The following AQP8 variants were observed in gnomAD, a reference collection of about 807,000 sequenced individuals.
The protein encoded by AQP8 is aquaporin 8.
In AQP8, 14 loss-of-function variants were observed where a neutral mutation model predicts 26.1. The ratio of observed to expected loss-of-function variants is 0.54; its 90% CI spans 0.35 to 0.84. The LOEUF is 0.84. Among genes scored for constraint, AQP8 ranks in the 40% least tolerant of loss-of-function variants. The pLI, the probability that AQP8 is intolerant of heterozygous loss-of-function variation, is 0.01. For synonymous variants in AQP8, 131 were observed against 150.7 expected (o/e 0.87, Z 0.96); for missense variants, 301 against 340.5 (o/e 0.88, Z 0.91).
intron 4 of AQP8, among the ~76,000 whole-genome samples, chr16:25,225,153 T>C (rs1962614204): frequency 6.6e-6 from 1 of 152,214 alleles, no homozygotes; most frequent in African/African-American, 2.4e-5. Flanking sequence ...TGAACCCTTT[T>C]AATTTTTGTT....
intron 3 of AQP8, 94 bp downstream of exon 3, chr16:25,221,677 G>A (rs1431692723): frequency 6.9e-7 from 1 of 1,454,896 alleles, no homozygotes; most frequent in Non-Finnish European, 9.3e-7. Context: ...TGGGGAGTGG[G>A]GAAATGTCCA....
intron 3 of AQP8, among the ~76,000 whole-genome samples, chr16:25,222,682 G>T (rs1022763789): frequency 3.3e-5 from 5 of 151,932 alleles, no homozygotes; most frequent in Middle Eastern, 3.2e-3. Context: ...TGTGTGTGGG[G>T]GGTGGTGGAT....
chr16:25,220,772 C>A (rs1273092298), intron 2 of AQP8, among the ~76,000 whole-genome samples: 6 of 152,188 alleles, frequency 3.9e-5, no homozygotes, highest in Admixed American at 2.0e-4. Context: ...AGACCCGGGC[C>A]GGGCACGGTA....
At chr16:25,227,939 T>G (rs1458111179) in intron 5 of AQP8, among the ~76,000 whole-genome samples, 1 of 151,098 alleles carries the variant, frequency 6.6e-6, no homozygotes, top group Non-Finnish European at 1.5e-5. Flanking sequence ...GCTTTCAGAG[T>G]GGCAGCAATG....
intron 2 of AQP8, among the ~76,000 whole-genome samples, chr16:25,217,800 T>G (rs1284905237): frequency 1.3e-5 from 2 of 152,178 alleles, no homozygotes; most frequent in African/African-American, 2.4e-5. Flanking sequence ...AGTTTTGGGA[T>G]TACAGGCATG....
chr16:25,223,548 T>A (rs536045054), intron 3 of AQP8, among the ~76,000 whole-genome samples: 12 of 151,534 alleles, frequency 7.9e-5, no homozygotes, highest in Admixed American at 2.0e-4. Flanking sequence ...CAAAAAATTT[T>A]AAAAAAAACA....
rs138426074 is a variant in AQP8, at chr16:25,217,290, G to A, written c.105G>A (p.Val35=). 5.7e-4 allele frequency: 914 copies of A among 1,614,190 alleles called. 14 individuals are homozygous for A. In the South Asian group the frequency reaches 7.0e-3, roughly 12 times the overall value. Residue 35 remains valine (V), a synonymous_variant, in exon 2 of 6, where the codon GTG becomes GTA. Transcript: ENST00000219660. ...GAGTGTCCTGGTACGAACGGTTTGT[G>A]CAGCCATGTCTGGTCGAACTGCTGG... ...RWRVSWYERF[V]QPCLVELLGS... is the part of the protein sequence containing the mutation.
In AQP8 at chr16:25,217,452, C is replaced by T. The variant is rs1962503951; in HGVS notation, c.260+7C>T. On this transcript the variant is annotated splice_region_variant and intron_variant, in intron 2 of 5. Transcript: ENST00000219660. Reference sequence around the variant, plus strand: ...CCACGCTGGGGAATATCAGGTGAGACCAGCTCTGAGGATTCAGCCTGATGC... The same window carrying T: ...CCACGCTGGGGAATATCAGGTGAGATCAGCTCTGAGGATTCAGCCTGATGC... 1.2e-6 allele frequency: 2 copies of T among 1,613,384 alleles called. No homozygotes were observed. The highest frequency in any genetic ancestry group is 1.1e-5 in the South Asian group (1 of 90,962).
chr16:25,218,320 T>G (rs1346635049), intron 2 of AQP8, among the ~76,000 whole-genome samples: 1 of 152,104 alleles, frequency 6.6e-6, no homozygotes, highest in Non-Finnish European at 1.5e-5. Flanking sequence ...TCCTGGCTTG[T>G]CAAGAGGTGA....
intron 3 of AQP8, among the ~76,000 whole-genome samples, chr16:25,222,736 A>G (rs1962580602): frequency 6.6e-6 from 1 of 151,902 alleles, no homozygotes; most frequent in Non-Finnish European, 1.5e-5. Flanking sequence ...CTGAAGCTGT[A>G]AGTGCTGACC....
chr16:25,217,767 ATCC>A (rs1962508471), intron 2 of AQP8, among the ~76,000 whole-genome samples: 1 of 152,122 alleles, frequency 6.6e-6, no homozygotes, highest in South Asian at 2.1e-4. Flanking sequence ...GTCTCAAGCG[ATCC>A]TCCTGCCTTG....
chr16:25,228,202 A>G (rs1170509034), intron 5 of AQP8, among the ~76,000 whole-genome samples: 6 of 151,742 alleles, frequency 4.0e-5, no homozygotes, highest in African/African-American at 1.5e-4. Flanking sequence ...AGGAGGTGGA[A>G]GCTGCAGTGA....
At position 25,228,563 on chromosome 16, in the gene AQP8, G is replaced by A. The variant is rs1220843443; in HGVS notation, c.*71G>A. Reference sequence around the variant, plus strand: ...CCTGTCCCAGACTGAGGACAGGGGAGTTCCTGCATTTCCTGCCAGGGCAGA... The same window carrying A: ...CCTGTCCCAGACTGAGGACAGGGGAATTCCTGCATTTCCTGCCAGGGCAGA... On this transcript the variant is annotated 3_prime_UTR_variant, in exon 6 of 6. Transcript: ENST00000219660. 3 of 1,539,894 alleles carry A rather than the reference G, an allele frequency of 1.9e-6. No homozygotes were observed. Among genetic ancestry groups the A allele is most frequent in the East Asian group, 2.3e-5 (1 of 44,396 alleles).
At position 25,224,582 on chromosome 16, in the gene AQP8, T is replaced by C. The variant is rs1223233941; in HGVS notation, c.602+6T>C. On this transcript the variant is annotated splice_donor_region_variant and intron_variant, in intron 4 of 5. Transcript: ENST00000219660. ...ACCGTGGATATCCTGGCTGGGTGAG[T>C]GTCCCTTGGCAGTGGGGTGACCATG... The C allele has an allele frequency of 4.4e-6, 7 of 1,607,910 alleles. No individual in the cohort carries two copies. Among genetic ancestry groups the C allele is most frequent in the Non-Finnish European group, 5.9e-6 (7 of 1,179,682 alleles).
At chr16:25,221,669 G>T (rs1163663226) in intron 3 of AQP8, 86 bp downstream of exon 3, 8 of 1,497,136 alleles carry the variant, frequency 5.3e-6, no homozygotes, top group Non-Finnish European at 7.3e-6. Flanking sequence ...TGGGACAGTG[G>T]GGAGTGGGGA....
chr16:25,222,588 C>T (rs981805723), intron 3 of AQP8, among the ~76,000 whole-genome samples: 6 of 151,662 alleles, frequency 4.0e-5, no homozygotes, highest in Non-Finnish European at 5.9e-5. Flanking sequence ...TTTTTTCCCT[C>T]TCTTTCTTTC....
chr16:25,220,719 C>T (rs749843518), intron 2 of AQP8, among the ~76,000 whole-genome samples: 2 of 152,186 alleles, frequency 1.3e-5, no homozygotes, highest in Non-Finnish European at 2.9e-5. Flanking sequence ...AGCAGTTCAA[C>T]CAATCAGGAG....
Position 25,227,106 on chromosome 16 carries a change from C to G in AQP8, c.641C>G (p.Ala214Gly), listed in dbSNP as rs747650236. 2 of 1,614,120 alleles carry G rather than the reference C, an allele frequency of 1.2e-6. No homozygotes were observed. The highest frequency in any genetic ancestry group is 1.7e-6 in the Non-Finnish European group (2 of 1,180,024). Reference sequence around the variant, plus strand: ...GGAGGCTGCATGAATCCCGCCCGTGCTTTTGGACCTGCGGTGGTGGCCAAC... The same window carrying G: ...GGAGGCTGCATGAATCCCGCCCGTGGTTTTGGACCTGCGGTGGTGGCCAAC... ...VSGGCMNPAR[A>G]FGPAVVANHW... is the part of the protein sequence containing the mutation. The change falls in exon 5 of 6, where the codon GCT becomes GGT. Residue 214 changes from alanine to glycine, a missense_variant. By Grantham distance (60) the Ala-to-Gly change is moderately conservative. Coordinates refer to ENST00000219660, the MANE Select transcript of AQP8 (RefSeq NM_001169.3).
In AQP8 at chr16:25,228,571, A is replaced by T; in HGVS notation, c.*79A>T. ...AGACTGAGGACAGGGGAGTTCCTGC[A>T]TTTCCTGCCAGGGCAGAGGCCCAGA... On this transcript the variant is annotated 3_prime_UTR_variant, in exon 6 of 6. Transcript: ENST00000219660. 1 of 1,513,728 alleles carries T rather than the reference A, an allele frequency of 6.6e-7. No individual in the cohort carries two copies. The highest frequency in any genetic ancestry group is 1.7e-5 in the Admixed American group (1 of 59,072). 93.8% of individuals were successfully genotyped at this position (1,513,728 alleles called of 1,614,324 possible).
Sources: allele counts gnomAD v4.1 joint callset (sites outside exome capture counted in the v4.1 genomes callset), GRCh38; gene constraint gnomAD v4.1.1; transcripts MANE v1.5; gene names NCBI Gene and HGNC (gene_info 2026-07-23, HGNC 2026-07-21).